ZNF385D: variants seen among roughly 807,000 people sequenced by gnomAD.
ZNF385D encodes zinc finger protein 385D.
ZNF385D carries 15 observed loss-of-function variants against 35.8 expected under a neutral mutation model. The ratio of observed to expected loss-of-function variants is 0.42; its 90% CI spans 0.28 to 0.64. The LOEUF is 0.64. ZNF385D is among the 30% of genes least tolerant of loss of function. The probability of loss-of-function intolerance (pLI) is 0.23; values close to 1 mark genes in which losing one functional copy is unlikely to be tolerated. For missense variants in ZNF385D, 474 were observed against 494.6 expected, an observed-to-expected ratio of 0.96 and a Z score of 0.39; for synonymous variants, 212 against 186.8, an observed-to-expected ratio of 1.13 and a Z score of -1.10.
intron 3 of ZNF385D, among the ~76,000 whole-genome samples, chr3:21,894,030 A>T (rs993762461): frequency 3.9e-5 from 6 of 152,180 alleles, no homozygotes; most frequent in Admixed American, 2.0e-4. Context: ...ATATCCAATG[A>T]TAGAATACTT....
intron 1 of ZNF385D, among the ~76,000 whole-genome samples, chr3:21,712,635 G>A (rs1332064445): frequency 6.6e-6 from 1 of 152,166 alleles, no homozygotes; most frequent in East Asian, 1.9e-4. Context: ...TTTCTAATGT[G>A]GAAGTTTCAT....
chr3:21,533,345 C>T (rs974672779), intron 3 of ZNF385D, among the ~76,000 whole-genome samples: 4 of 152,142 alleles, frequency 2.6e-5, no homozygotes, highest in African/African-American at 7.2e-5. Context: ...TTGGAAAATG[C>T]CTTTTATTTT....
chr3:21,513,336 C>G (rs1707346377), intron 3 of ZNF385D, among the ~76,000 whole-genome samples: 1 of 152,018 alleles, frequency 6.6e-6, no homozygotes. Flanking sequence ...GTGGGAAGAA[C>G]AGGGTGACAA....
chr3:21,429,256 T>C (rs1383893645), intron 5 of ZNF385D, among the ~76,000 whole-genome samples: 7 of 152,074 alleles, frequency 4.6e-5, no homozygotes, highest in Admixed American at 2.0e-4. Flanking sequence ...TATATAAAAA[T>C]ATTAATAATA....
chr3:21,850,054 T>A (rs923423654), intron 3 of ZNF385D, among the ~76,000 whole-genome samples: 1 of 152,124 alleles, frequency 6.6e-6, no homozygotes, highest in African/African-American at 2.4e-5. Flanking sequence ...TAAAATTGTT[T>A]ATTGAGTTTA....
chr3:22,161,424 G>T (rs1046490657), intron 3 of ZNF385D, among the ~76,000 whole-genome samples: 5 of 151,920 alleles, frequency 3.3e-5, no homozygotes, highest in African/African-American at 1.2e-4. Flanking sequence ...ATCTTTATTT[G>T]TAAAGCTCAA....
chr3:21,932,166 C>CAAAAAAAAAAAAAAAAAAAA (rs543138588), intron 3 of ZNF385D, among the ~76,000 whole-genome samples: 9 of 55,336 alleles, frequency 1.6e-4, no homozygotes, highest in Admixed American at 2.9e-4. Flanking sequence ...GACTCATTCT[C>CAAAAAAAAAAAAAAAAAAAA]AAAAAAAAAA....
intron 3 of ZNF385D, among the ~76,000 whole-genome samples, chr3:22,062,281 T>A (rs77079372): frequency 4.6e-4 from 70 of 152,198 alleles, no homozygotes; most frequent in Non-Finnish European, 8.7e-4. Context: ...ACTTAAACTC[T>A]CGGGATCAAG....
At chr3:22,179,462 C>T (rs1695070891) in intron 2 of ZNF385D, among the ~76,000 whole-genome samples, 1 of 152,246 alleles carries the variant, frequency 6.6e-6, no homozygotes, top group Non-Finnish European at 1.5e-5. Flanking sequence ...GCTGAAGTTG[C>T]TTATCGGCTT....
At chr3:22,264,400 T>G (rs989020473) in intron 2 of ZNF385D, among the ~76,000 whole-genome samples, 1 of 151,994 alleles carries the variant, frequency 6.6e-6, no homozygotes, top group Non-Finnish European at 1.5e-5. Flanking sequence ...GCCAAGACAA[T>G]TGATCAGTGG....
chr3:22,098,333 C>A (rs17647483), intron 3 of ZNF385D, among the ~76,000 whole-genome samples: 1 of 151,834 alleles, frequency 6.6e-6, no homozygotes, highest in African/African-American at 2.4e-5. Context: ...TAAGAAAATT[C>A]AAGAACTTTA....
At chr3:22,123,229 A>G (rs1703204298) in intron 3 of ZNF385D, among the ~76,000 whole-genome samples, 1 of 152,116 alleles carries the variant, frequency 6.6e-6, no homozygotes, top group Admixed American at 6.6e-5. Flanking sequence ...GGGGAGACTG[A>G]ATTACCAAGA....
intron 3 of ZNF385D, among the ~76,000 whole-genome samples, chr3:21,937,152 AG>A (rs1374578739): frequency 6.6e-6 from 1 of 152,200 alleles, no homozygotes; most frequent in African/African-American, 2.4e-5. Context: ...GTTCATAAAA[AG>A]TTCAAATACT....
chr3:22,138,860 T>C lies in ZNF385D; in HGVS notation c.325+29957A>G, dbSNP rs544204718. Among the ~76,000 whole-genome samples the C allele has an allele frequency of 5.9e-3, 900 of 152,016 alleles. 6 individuals are homozygous for C. The highest frequency in any genetic ancestry group is 0.017 in the African/African-American group (720 of 41,470). On this transcript the variant is annotated intron_variant, in intron 3 of 5. Transcript: ENST00000494108. ...AGAGCTTCTGCACAGCAAAAGAAAC[T>C]ACCATCAGAGTGAACAGGCAACCTA...
At position 22,189,564 on chromosome 3, in the gene ZNF385D, G is replaced by C. The variant is rs1478807099; in HGVS notation, c.107-20529C>G. On this transcript the variant is annotated intron_variant, in intron 2 of 5. Coordinates refer to the ZNF385D transcript ENST00000494108. ...AACCCGAAAGAGAAGAAAAAAGGAA[G>C]GTTCAATATTATTGAGCAAATTTGG... is the stretch of plus-strand genomic sequence containing the variant. Among the ~76,000 whole-genome samples the C allele has an allele frequency of 3.9e-5, 6 of 152,072 alleles. No homozygotes were observed. In the East Asian group the frequency reaches 9.6e-4, roughly 24 times the overall value.
chr3:22,061,599 C>A (rs1699689358), intron 3 of ZNF385D, among the ~76,000 whole-genome samples: 1 of 152,214 alleles, frequency 6.6e-6, no homozygotes, highest in Middle Eastern at 3.2e-3. Flanking sequence ...TCCTCAATTA[C>A]ATGTCCAGCC....
rs372866829 is a variant in ZNF385D, at chr3:21,517,523, T to A, written c.277-6500A>T. Among the ~76,000 whole-genome samples the A allele has an allele frequency of 7.9e-5, 12 of 152,330 alleles. No individual in the cohort carries two copies. In the East Asian group the frequency reaches 1.4e-3, roughly 17 times the overall value. Reference sequence around the variant, plus strand: ...CTTATTACTGTCTGTGTGTGTTAAATACATTGGCATAATTGTTGGTGTGTG... The same window carrying A: ...CTTATTACTGTCTGTGTGTGTTAAAAACATTGGCATAATTGTTGGTGTGTG... On this transcript the variant is annotated intron_variant, in intron 3 of 7. Transcript: ENST00000281523.
intron 3 of ZNF385D, among the ~76,000 whole-genome samples, chr3:21,881,376 A>T (rs1411697533): frequency 2.0e-5 from 3 of 151,990 alleles, no homozygotes; most frequent in Admixed American, 6.6e-5. Flanking sequence ...AATGATGCTA[A>T]ATCTACTCCA....
intron 3 of ZNF385D, among the ~76,000 whole-genome samples, chr3:22,045,440 A>T (rs976725344): frequency 2.6e-5 from 4 of 152,178 alleles, no homozygotes; most frequent in Non-Finnish European, 5.9e-5. Flanking sequence ...GGTCTTCCAC[A>T]GAATTGGGAA....
Sources: allele counts gnomAD v4.1 joint callset (sites outside exome capture counted in the v4.1 genomes callset), GRCh38; gene constraint gnomAD v4.1.1; transcripts MANE v1.5; gene names NCBI Gene and HGNC (gene_info 2026-07-23, HGNC 2026-07-21).